The following PLXNA1 variants were observed in gnomAD, a reference collection of about 807,000 sequenced individuals.
The protein encoded by PLXNA1 is plexin A1.
Under a neutral mutation model 191.7 loss-of-function variants are expected in PLXNA1, and 77 were observed. That is an observed-to-expected ratio of 0.40 (90% CI 0.33 to 0.49). The LOEUF (loss-of-function observed/expected upper bound fraction) is 0.49. PLXNA1 is among the 20% of genes least tolerant of loss of function. The pLI, the probability that PLXNA1 is intolerant of heterozygous loss-of-function variation, is 0.63. For missense variants in PLXNA1, 2,110 were observed against 2,660.2 expected, an observed-to-expected ratio of 0.79 and a Z score of 4.55; for synonymous variants, 1,137 against 1,156.4, an observed-to-expected ratio of 0.98 and a Z score of 0.34.
intron 21 of PLXNA1, among the ~76,000 whole-genome samples, chr3:127,020,549 T>G (rs1239580414): frequency 6.6e-6 from 1 of 151,948 alleles, no homozygotes; most frequent in African/African-American, 2.4e-5. Flanking sequence ...AGTGGAGCCC[T>G]GAGCCCTGGG....
At chr3:126,986,692 A>G (rs1156731521) in intron 1 of PLXNA1, among the ~76,000 whole-genome samples, 1 of 152,018 alleles carries the variant, frequency 6.6e-6, no homozygotes, top group Non-Finnish European at 1.5e-5. Flanking sequence ...AATGGGAGCA[A>G]TAAGTAATAG....
Position 126,991,385 on chromosome 3 carries a change from C to A in PLXNA1, c.1196C>A (p.Pro399His). The A allele has an allele frequency of 6.2e-7, 1 of 1,612,572 alleles. No homozygotes were observed. Among genetic ancestry groups the A allele is most frequent in the Non-Finnish European group, 8.5e-7 (1 of 1,179,812 alleles). The change falls in exon 3 of 32, where the codon CCC (proline) becomes CAC (histidine). Residue 399 changes from proline to histidine, a missense_variant and splice_region_variant. This residue lies in a region of PLXNA1 where 903 missense variants were observed against 1,015.7 expected (regional missense o/e 0.89). Coordinates refer to ENST00000393409, the MANE Select transcript of PLXNA1 (RefSeq NM_032242.4). ...CTCTCACCCTGCCCCTTCCCACAGC[C>A]CCTGCAGATCGATGACGACTTCTGC... is the stretch of plus-strand genomic sequence containing the variant. ...LNKELGCINS[P>H]LQIDDDFCGQ... is the part of the protein sequence containing the mutation.
chr3:127,033,576 G>A (rs1273742877), intron 31 of PLXNA1, among the ~76,000 whole-genome samples: 4 of 152,258 alleles, frequency 2.6e-5, no homozygotes, highest in Middle Eastern at 3.4e-3. Flanking sequence ...CTGGGGTCCT[G>A]GGGCTCACCA....
Position 127,014,871 on chromosome 3 carries a change from C to T in PLXNA1, c.2877+40C>T, listed in dbSNP as rs772827999. 8.8e-6 allele frequency: 14 copies of T among 1,596,780 alleles called. No individual in the cohort carries two copies. The Admixed American group carries it at 2.4e-4, about 27-fold the overall frequency. On this transcript the variant is annotated intron_variant, in intron 14 of 31. Transcript: ENST00000393409. ...CTCCCTCTCTCCCTATTCTCTGCTG[C>T]TCTGAGAGGGTGCCGCTCAGGGCTT... is the stretch of plus-strand genomic sequence containing the variant.
In PLXNA1 at chr3:127,024,633, C is replaced by CG. The variant is rs1041790501; in HGVS notation, c.4362+1820dup. Among the ~76,000 whole-genome samples the CG allele has an allele frequency of 3.0e-4, 46 of 152,076 alleles. 1 individual carries two copies. Among genetic ancestry groups the CG allele is most frequent in the Admixed American group, 2.7e-3 (41 of 15,276 alleles). On this transcript the variant is annotated intron_variant, in intron 23 of 31. Transcript: ENST00000393409. ...CTCGTTGTTAGTGGGGTACCAGTGT[C>CG]GGGGGCAGGCAGGGGCCAGGAGCTG...
At chr3:127,004,559 T>A in intron 4 of PLXNA1, 52 bp from the exon 5 acceptor site, 1 of 1,336,670 alleles carries the variant, frequency 7.5e-7, no homozygotes, top group African/African-American at 1.4e-5. Context: ...GTGAGGATGG[T>A]CAAGGACCCC....
intron 1 of PLXNA1, among the ~76,000 whole-genome samples, chr3:126,984,911 T>C (rs527749481): frequency 4.6e-5 from 7 of 152,288 alleles, no homozygotes; most frequent in Admixed American, 1.3e-4. Context: ...GGAGCAGGAC[T>C]CCAAGGCCTT....
At chr3:127,004,315 A>G (rs187143284) in intron 4 of PLXNA1, among the ~76,000 whole-genome samples, 3 of 152,348 alleles carry the variant, frequency 2.0e-5, no homozygotes, top group African/African-American at 7.2e-5. Context: ...CAGAGCTGGG[A>G]GGGAGTCCAG....
In PLXNA1 at chr3:127,016,651, T is replaced by C. The variant is rs1223466185; in HGVS notation, c.3149T>C (p.Ile1050Thr). 2 of 1,613,896 alleles carry C rather than the reference T, an allele frequency of 1.2e-6. No individual in the cohort carries two copies. The highest frequency in any genetic ancestry group is 3.3e-5 in the Admixed American group (2 of 60,020). The change falls in exon 16 of 32, where the codon ATC (isoleucine) becomes ACC (threonine). Residue 1050 changes from isoleucine (I) to threonine (T), a missense_variant. By Grantham distance (89) the Ile-to-Thr change is moderately conservative (BLOSUM62 -1). Around this residue, in one of 4 missense-constraint regions of PLXNA1, gnomAD observed 644 missense variants for 714.3 expected, o/e 0.90. Coordinates refer to ENST00000393409, the MANE Select transcript of PLXNA1 (RefSeq NM_032242.4). ...VKYNYTEDPT[I>T]LRIDPEWSIN... Reference sequence around the variant, plus strand: ...TACAACTACACCGAGGACCCCACCATCCTGAGGATCGACCCCGAGTGGAGC... The same window carrying C: ...TACAACTACACCGAGGACCCCACCACCCTGAGGATCGACCCCGAGTGGAGC...
At chr3:127,015,439 T>G in intron 15 of PLXNA1, 119 bp downstream of exon 15, 1 of 1,305,874 alleles carries the variant, frequency 7.7e-7, no homozygotes. Flanking sequence ...GGGTGATCAC[T>G]GTGAAACCCA....
chr3:127,032,749 T>C lies in PLXNA1; in HGVS notation c.5508T>C (p.Ala1836=). 6.2e-7 allele frequency: 1 copy of C among 1,613,436 alleles called. No individual in the cohort carries two copies. Among genetic ancestry groups the C allele is most frequent in the South Asian group, 1.1e-5 (1 of 91,078 alleles). ...ACCAGGACATGAGTGCGTATCTGGC[T>C]GAGCAGTCCCGCCTGCACCTGAGCC... ...ISDQDMSAYL[A]EQSRLHLSQF... is the part of the protein sequence containing the mutation. The change falls in exon 31 of 32, where the codon GCT becomes GCC. Residue 1836 remains alanine (A), a synonymous_variant. Transcript: ENST00000393409.
At chr3:126,990,703 T>A (rs2078985878) in intron 2 of PLXNA1, among the ~76,000 whole-genome samples, 2 of 152,208 alleles carry the variant, frequency 1.3e-5, no homozygotes, top group Non-Finnish European at 2.9e-5. Context: ...CAAGGGCCCC[T>A]CAGTCCTTCC....
At chr3:127,030,135 A>G in intron 28 of PLXNA1, 71 bp downstream of exon 28, 1 of 1,591,722 alleles carries the variant, frequency 6.3e-7, no homozygotes, top group Admixed American at 1.7e-5. Flanking sequence ...CCAAGCCCAG[A>G]GCAAGGGCCT....
chr3:127,031,101 G>C (rs547326671), intron 29 of PLXNA1, among the ~76,000 whole-genome samples: 1 of 152,184 alleles, frequency 6.6e-6, no homozygotes, highest in African/African-American at 2.4e-5. Context: ...ACAGTGACCT[G>C]CTTCTTCCCT....
chr3:127,029,601 C>T (rs1046652809), intron 27 of PLXNA1, 65 bp downstream of exon 27: 60 of 1,519,468 alleles, frequency 3.9e-5, no homozygotes, highest in East Asian at 1.8e-4. Context: ...GGACGTCCCC[C>T]GGGCTCCCAC....
intron 22 of PLXNA1, 64 bp from the exon 23 acceptor site, chr3:127,022,688 A>G: frequency 6.9e-7 from 1 of 1,450,958 alleles, no homozygotes; most frequent in Non-Finnish European, 9.7e-7. Context: ...TGAGGCCTGC[A>G]GGGGCCCTGT....
chr3:127,005,971 G>A, intron 7 of PLXNA1, 108 bp from the exon 8 acceptor site: 1 of 809,906 alleles, frequency 1.2e-6, no homozygotes, highest in Non-Finnish European at 2.2e-6. Flanking sequence ...TGCGACTGAT[G>A]GTGGCAGCTA....
rs202007314 is a variant in PLXNA1, at chr3:126,989,479, G to A, written c.886G>A (p.Val296Ile). ...GGACGACCCCAAATTCTACTCGTAC[G>A]TTGAGTTCCCCATTGGCTGCGAGCA... ...CVDDPKFYSY[V>I]EFPIGCEQAG... Residue 296 changes from valine (V) to isoleucine (I), a missense_variant, in exon 2 of 32, where the codon GTT becomes ATT. Around this residue, in one of 4 missense-constraint regions of PLXNA1, gnomAD observed 903 missense variants for 1,015.7 expected, o/e 0.89. Coordinates refer to ENST00000393409, the MANE Select transcript of PLXNA1 (RefSeq NM_032242.4). The A allele has an allele frequency of 5.2e-5, 84 of 1,613,606 alleles. No individual in the cohort carries two copies. The highest frequency in any genetic ancestry group is 6.0e-5 in the Non-Finnish European group (71 of 1,180,056).
chr3:127,032,440 A>G lies in PLXNA1; in HGVS notation c.5285A>G (p.Asp1762Gly). 6.2e-7 allele frequency: 1 copy of G among 1,613,864 alleles called. No homozygotes were observed. Among genetic ancestry groups the G allele is most frequent in the Non-Finnish European group, 8.5e-7 (1 of 1,179,970 alleles). The change falls in exon 30 of 32, where the codon GAC (aspartate) becomes GGC (glycine). Residue 1762 changes from aspartate to glycine, a missense_variant. This residue lies in a region of PLXNA1 where 559 missense variants were observed against 911.5 expected (regional missense o/e 0.61). Transcript: ENST00000393409. ...NVIKNPQFVF[D>G]IHKNSITDAC... ...ATCAAGAACCCACAGTTTGTGTTCG[A>G]CATTCACAAGAACAGCATCACGGAC...
Sources: allele counts gnomAD v4.1 joint callset (sites outside exome capture counted in the v4.1 genomes callset), GRCh38; gene constraint gnomAD v4.1.1; regional missense constraint gnomAD v4.1.1; transcripts MANE v1.5; gene names NCBI Gene and HGNC (gene_info 2026-07-23, HGNC 2026-07-21).